The following PER3 variants were observed in gnomAD, a reference collection of about 807,000 sequenced individuals.
PER3 encodes period circadian protein homolog 3.
A neutral mutation model predicts 127.2 loss-of-function variants in PER3; 107 were observed. That is an observed-to-expected ratio of 0.84 (90% CI 0.72 to 0.99). The LOEUF is 0.99. Among genes scored for constraint, PER3 ranks in the 50% least tolerant of loss-of-function variants. PER3 has a pLI of 0.00. For missense variants in PER3, 1,560 were observed against 1,525.8 expected (o/e 1.02, Z -0.37); for synonymous variants, 618 against 585.8 (o/e 1.05, Z -0.79).
chr1:7,809,023 A>C (rs779107566), intron 11 of PER3, 25 bp downstream of exon 11: 6 of 1,119,358 alleles, frequency 5.4e-6, no homozygotes, highest in African/African-American at 1.5e-5. Flanking sequence ...TTAAAAATGC[A>C]AAGTTCCCTG....
chr1:7,788,976 C>T (rs1577621996), intron 5 of PER3, among the ~76,000 whole-genome samples: 2 of 150,756 alleles, frequency 1.3e-5, no homozygotes, highest in African/African-American at 4.9e-5. Flanking sequence ...ACTTATGAGT[C>T]TTATTACTTT....
At chr1:7,821,472 T>G (rs1262121211) in intron 16 of PER3, among the ~76,000 whole-genome samples, 2 of 152,228 alleles carry the variant, frequency 1.3e-5, no homozygotes, top group Non-Finnish European at 2.9e-5. Flanking sequence ...AAAGTAGAGT[T>G]TCACTGGAAC....
At chr1:7,827,874 G>C in intron 18 of PER3, 59 bp downstream of exon 18, 2 of 1,395,864 alleles carry the variant, frequency 1.4e-6, no homozygotes. Context: ...CTAAAGTTAA[G>C]GTGGTTGCGT....
chr1:7,827,053 G>A, intron 17 of PER3, 65 bp from the exon 18 acceptor site: 1 of 1,247,938 alleles, frequency 8.0e-7, no homozygotes, highest in Non-Finnish European at 1.1e-6. Flanking sequence ...CTACCTGTAA[G>A]TGGCATCCTT....
rs2097307748 is a variant in PER3 at position 7,827,507 on chromosome 1, C to A, written c.2578C>A (p.Leu860Met). The change falls in exon 18 of 22, where the codon CTG (leucine) becomes ATG (methionine). Residue 860 changes from leucine (L) to methionine (M), a missense_variant. By Grantham distance (15) the Leu-to-Met change is conservative. Transcript: ENST00000377532. ...CTTGGATACTTTTATGACCGTTTTC[C>A]TGCCTGACCCCCCTGTCTGTCCTCT... ...PYLDTFMTVFLPDPPVCPLLS... is the reference protein window; with the variant it reads ...PYLDTFMTVFMPDPPVCPLLS... 6.2e-7 allele frequency: 1 copy of A among 1,614,232 alleles called. No homozygotes were observed. The highest frequency in any genetic ancestry group is 1.3e-5 in the African/African-American group (1 of 75,050).
rs779692410 is a variant in PER3 at position 7,810,026 on chromosome 1, A to G, written c.1371+5A>G. 6.8e-6 allele frequency: 11 copies of G among 1,612,370 alleles called. No homozygotes were observed. The highest frequency in any genetic ancestry group is 1.1e-5 in the South Asian group (1 of 90,958). ...GAGGAGACGAAGGCGGAGCAGGTGC[A>G]TGGGCTTATGTCACATTCTTATACA... is the stretch of plus-strand genomic sequence containing the variant. On this transcript the variant is annotated splice_donor_5th_base_variant and intron_variant, in intron 12 of 21. Coordinates refer to ENST00000377532, the MANE Select transcript of PER3 (RefSeq NM_001377275.1).
At chr1:7,815,776 G>A (rs1404889284) in intron 13 of PER3, among the ~76,000 whole-genome samples, 3 of 151,524 alleles carry the variant, frequency 2.0e-5, no homozygotes, top group African/African-American at 7.3e-5. Context: ...ACAAGATAAG[G>A]AGATCGAGAC....
chr1:7,837,167 G>A lies in PER3; in HGVS notation c.3549+18G>A. 2 of 1,608,646 alleles carry A rather than the reference G, an allele frequency of 1.2e-6. No homozygotes were observed. Among genetic ancestry groups the A allele is most frequent in the Non-Finnish European group, 1.7e-6 (2 of 1,176,676 alleles). On this transcript the variant is annotated intron_variant, in intron 21 of 21. Transcript: ENST00000377532. ...ACATTCAAGTAAGCACAGTAATAAT[G>A]GCTGTCATATACTCATGTATTTTGG...
intron 4 of PER3, chr1:7,787,396 A>C: frequency 3.0e-6 from 1 of 335,686 alleles, no homozygotes; most frequent in Non-Finnish European, 5.8e-6. Flanking sequence ...TTGTTACTTA[A>C]AGATTTTGTA....
intron 15 of PER3, 108 bp from the exon 16 acceptor site, chr1:7,820,351 TCTTTATGA>T: frequency 7.2e-7 from 1 of 1,394,976 alleles, no homozygotes; most frequent in Non-Finnish European, 9.8e-7. Flanking sequence ...TCATATTACC[TCTTTATGA>T]CAGTAAGGTT....
intron 16 of PER3, among the ~76,000 whole-genome samples, chr1:7,823,949 C>T (rs751372977): frequency 2.6e-5 from 4 of 152,168 alleles, no homozygotes; most frequent in Non-Finnish European, 5.9e-5. Context: ...ACTGTGTTCT[C>T]TGGCTAGTGA....
intron 20 of PER3, among the ~76,000 whole-genome samples, chr1:7,836,549 T>C (rs1197402863): frequency 1.3e-5 from 2 of 152,242 alleles, no homozygotes; most frequent in African/African-American, 2.4e-5. Flanking sequence ...TTGAGAAATG[T>C]GTCTTCAAAT....
At position 7,820,239 on chromosome 1, in the gene PER3, G is replaced by A; in HGVS notation, c.1783G>A (p.Ala595Thr). 1.2e-6 allele frequency: 2 copies of A among 1,610,802 alleles called. No individual in the cohort carries two copies. The highest frequency in any genetic ancestry group is 1.3e-5 in the African/African-American group (1 of 74,790). Residue 595 changes from alanine to threonine, a missense_variant and splice_region_variant, in exon 15 of 22, where the codon GCT becomes ACT. Physicochemically the swap from Ala to Thr is moderately conservative, Grantham distance 58 (BLOSUM62 0). Coordinates refer to ENST00000377532, the MANE Select transcript of PER3 (RefSeq NM_001377275.1). ...GGCAGATGATGTCCAAGCCTTACAA[G>A]GTAACAAGAATGCCCCTCAGAGTTA... The part of the protein sequence containing the change: ...HKADDVQALQ[A>T]GLQIPAIPKS...
In PER3 at chr1:7,810,564, G is replaced by A; in HGVS notation, c.1498G>A (p.Gly500Ser). 6.2e-7 allele frequency: 1 copy of A among 1,610,834 alleles called. No homozygotes were observed. Among genetic ancestry groups the A allele is most frequent in the Non-Finnish European group, 8.5e-7 (1 of 1,178,890 alleles). Residue 500 changes from glycine (G) to serine (S), a missense_variant, in exon 13 of 22, where the codon GGT (glycine) becomes AGT (serine). This residue lies in a region of PER3 where 1,332 missense variants were observed against 1,223.6 expected (regional missense o/e 1.09). Coordinates refer to ENST00000377532, the MANE Select transcript of PER3 (RefSeq NM_001377275.1). ...GGGGACACGCACAGAACCGAATGGT[G>A]GTGGTGAGTCAGCGAATGGTGGTGG... is the stretch of plus-strand genomic sequence containing the variant. The part of the protein sequence containing the change: ...VTGTRTEPNG[G>S]GESANGGGEC...
At chr1:7,809,784 A>T in intron 11 of PER3, 109 bp from the exon 12 acceptor site, 1 of 1,023,826 alleles carries the variant, frequency 9.8e-7, no homozygotes, top group Non-Finnish European at 1.4e-6. Flanking sequence ...CACCTAATTT[A>T]GTATTTCAGG....
At position 7,786,826 on chromosome 1, in the gene PER3, C is replaced by T; in HGVS notation, c.380C>T (p.Ser127Phe). The T allele has an allele frequency of 2.5e-6, 4 of 1,585,116 alleles. No homozygotes were observed. The highest frequency in any genetic ancestry group is 1.1e-5 in the South Asian group (1 of 90,420). Residue 127 changes from serine (S) to phenylalanine (F), a missense_variant, in exon 4 of 22, where the codon TCC becomes TTC. Physicochemically the swap from Ser to Phe is radical, Grantham distance 155 (BLOSUM62 -2). Transcript: ENST00000377532. The stretch of plus-strand genomic sequence containing the variant: ...GCCACTATCGCTTCAGAACACACTT[C>T]CAAAAACACAGTAAGAATTCATGCA... ...ELATIASEHT[S>F]KNTDTFVAVF...
chr1:7,820,208 C>T lies in PER3; in HGVS notation c.1752C>T (p.Asn584=), dbSNP rs2097269695. The T allele has an allele frequency of 6.2e-7, 1 of 1,613,854 alleles. No individual in the cohort carries two copies. Among genetic ancestry groups the T allele is most frequent in the East Asian group, 2.2e-5 (1 of 44,866 alleles). The change falls in exon 15 of 22, where the codon AAC becomes AAT. Residue 584 remains asparagine, a synonymous_variant. Coordinates refer to ENST00000377532, the MANE Select transcript of PER3 (RefSeq NM_001377275.1). The part of the protein sequence containing the change: ...TSSSSEEDKQ[N]HKADDVQALQ... ...CCTCCTCAGAAGAAGACAAACAGAA[C>T]CACAAGGCAGATGATGTCCAAGCCT...
At chr1:7,823,599 G>A (rs973519310) in intron 16 of PER3, among the ~76,000 whole-genome samples, 10 of 150,924 alleles carry the variant, frequency 6.6e-5, no homozygotes, top group Non-Finnish European at 1.0e-4. Context: ...CCAAGATTGC[G>A]CCATTGCACT....
chr1:7,811,514 A>T (rs2097219189), intron 13 of PER3: 1 of 152,384 alleles, frequency 6.6e-6, no homozygotes, highest in South Asian at 2.1e-4. Context: ...GAAGTCCAAG[A>T]TCAGGGCACC....
Sources: gnomAD v4.1 joint callset for allele counts (sites outside exome capture counted in the v4.1 genomes callset) on GRCh38, gnomAD v4.1.1 for gene constraint, gnomAD v4.1.1 regional missense constraint, MANE v1.5 for transcripts, NCBI Gene and HGNC (gene_info 2026-07-23, HGNC 2026-07-21) for gene names.